The following C20orf203 variants were observed in gnomAD, a reference collection of about 807,000 sequenced individuals.
C20orf203 encodes the protein chromosome 20 open reading frame 203, also known as uncharacterized protein C20orf203.
C20orf203 carries 16 observed loss-of-function variants against 15.9 expected under a neutral mutation model. The observed-to-expected ratio is 1.01, with a 90% CI of 0.68 to 1.53. The LOEUF (loss-of-function observed/expected upper bound fraction) is 1.53. C20orf203 is among the 40% of genes most tolerant of loss of function. The pLI is 0.00. For synonymous variants in C20orf203, 98 were observed against 97.2 expected (o/e 1.01, Z -0.05); for missense variants, 263 against 247.5 (o/e 1.06, Z -0.42).
chr20:32,640,846 G>A (rs1982262277), intron 4 of C20orf203, among the ~76,000 whole-genome samples, 159 bp from the exon 5 acceptor site: 1 of 152,142 alleles, frequency 6.6e-6, no homozygotes, highest in Non-Finnish European at 1.5e-5. Context: ...CTGTCTCTAT[G>A]GATTTCCCTC....
chr20:32,634,993 A>C (rs1165364318), intron 5 of C20orf203, among the ~76,000 whole-genome samples: 1 of 151,554 alleles, frequency 6.6e-6, no homozygotes, highest in Non-Finnish European at 1.5e-5. Flanking sequence ...TGAGGCCAGG[A>C]ATTTGAGACC....
chr20:32,664,917 C>T (rs527252151), intron 1 of C20orf203, among the ~76,000 whole-genome samples: 1 of 152,348 alleles, frequency 6.6e-6, no homozygotes, highest in East Asian at 1.9e-4. Flanking sequence ...GCTGAGTGAT[C>T]GGCCAAGGTC....
intron 1 of C20orf203, among the ~76,000 whole-genome samples, chr20:32,671,516 A>G (rs1983164453): frequency 6.6e-6 from 1 of 152,188 alleles, no homozygotes; most frequent in Non-Finnish European, 1.5e-5. Flanking sequence ...AATAAAGACA[A>G]AAAAATTTTA....
chr20:32,671,413 A>G (rs1983161983), intron 1 of C20orf203, among the ~76,000 whole-genome samples: 1 of 152,256 alleles, frequency 6.6e-6, no homozygotes, highest in South Asian at 2.1e-4. Context: ...TTTATGCTAA[A>G]TGAAACAAAC....
intron 1 of C20orf203, among the ~76,000 whole-genome samples, chr20:32,655,138 A>G (rs1179449108): frequency 6.6e-6 from 1 of 152,230 alleles, no homozygotes; most frequent in Non-Finnish European, 1.5e-5. Flanking sequence ...AGTGGATGAA[A>G]ACAAATGTAG....
intron 5 of C20orf203, among the ~76,000 whole-genome samples, chr20:32,639,957 C>T (rs1048294342): frequency 1.3e-5 from 2 of 152,160 alleles, no homozygotes; most frequent in Non-Finnish European, 2.9e-5. Flanking sequence ...CGTTCGTGGG[C>T]GGCCTGCTTC....
intron 1 of C20orf203, among the ~76,000 whole-genome samples, chr20:32,660,419 G>A (rs909350969): frequency 2.0e-5 from 3 of 152,164 alleles, no homozygotes; most frequent in South Asian, 2.1e-4. Context: ...CTGGTCAATC[G>A]GTTGGCCAGC....
chr20:32,654,641 G>C (rs1351731176), intron 1 of C20orf203, among the ~76,000 whole-genome samples: 3 of 151,902 alleles, frequency 2.0e-5, no homozygotes, highest in Admixed American at 1.3e-4. Context: ...CCAGGAGTTT[G>C]AGACCAGCCT....
At chr20:32,668,440 AC>A (rs1314837205) in intron 1 of C20orf203, among the ~76,000 whole-genome samples, 1 of 152,072 alleles carries the variant, frequency 6.6e-6, no homozygotes, top group African/African-American at 2.4e-5. Context: ...TGCCTGGCCA[AC>A]ATGGTGAAAC....
At chr20:32,653,613 A>C (rs1326829933) in intron 1 of C20orf203, among the ~76,000 whole-genome samples, 1 of 152,174 alleles carries the variant, frequency 6.6e-6, no homozygotes, top group Non-Finnish European at 1.5e-5. Context: ...ATCATACTTC[A>C]TGGTGAGAGA....
At chr20:32,644,699 C>G (rs1982375423) in intron 4 of C20orf203, among the ~76,000 whole-genome samples, 1 of 152,152 alleles carries the variant, frequency 6.6e-6, no homozygotes. Flanking sequence ...CAGATTACAT[C>G]TCCCAGAGAG....
chr20:32,643,330 C>G (rs556153508), intron 4 of C20orf203, among the ~76,000 whole-genome samples: 3 of 152,276 alleles, frequency 2.0e-5, no homozygotes, highest in African/African-American at 7.2e-5. Context: ...TATAGGGTGG[C>G]TGTGAAGATT....
chr20:32,641,795 G>A (rs984327954), intron 4 of C20orf203, among the ~76,000 whole-genome samples: 6 of 152,036 alleles, frequency 3.9e-5, no homozygotes, highest in South Asian at 4.2e-4. Flanking sequence ...AGATCGTATC[G>A]CCATTTTTAA....
chr20:32,671,708 G>C (rs560071858), intron 1 of C20orf203, among the ~76,000 whole-genome samples: 2 of 151,796 alleles, frequency 1.3e-5, no homozygotes, highest in African/African-American at 4.8e-5. Flanking sequence ...GCGTGGTGGC[G>C]CACACCTATA....
chr20:32,670,400 G>T (rs938767693), intron 1 of C20orf203, among the ~76,000 whole-genome samples: 3 of 150,862 alleles, frequency 2.0e-5, no homozygotes, highest in African/African-American at 7.3e-5. Context: ...CAGCTACCTG[G>T]GAGGCTGAGG....
intron 1 of C20orf203, among the ~76,000 whole-genome samples, chr20:32,652,680 C>T (rs1353300772): frequency 6.6e-6 from 1 of 152,032 alleles, no homozygotes; most frequent in Non-Finnish European, 1.5e-5. Flanking sequence ...TGAATACATT[C>T]ACGTCCACAA....
chr20:32,662,894 A>AC (rs1420363238), intron 1 of C20orf203, among the ~76,000 whole-genome samples: 4 of 150,284 alleles, frequency 2.7e-5, no homozygotes, highest in African/African-American at 7.3e-5. Context: ...TAAAAAAAAA[A>AC]AAAAAACAAG....
Position 32,650,413 on chromosome 20 carries a change from G to T in C20orf203, c.*19C>A. Reference sequence around the variant, plus strand: ...AGGACAGGCAGGCAGAGCTGGGGGTGGGGGCGCCCTGGGCTCGGCTAATTA... The same window carrying T: ...AGGACAGGCAGGCAGAGCTGGGGGTTGGGGCGCCCTGGGCTCGGCTAATTA... On this transcript the variant is annotated 3_prime_UTR_variant, in exon 4 of 6. Transcript: ENST00000608990. 1 of 1,535,214 alleles carries T rather than the reference G, an allele frequency of 6.5e-7. No individual in the cohort carries two copies.
intron 1 of C20orf203, among the ~76,000 whole-genome samples, chr20:32,667,642 A>T (rs1420861825): frequency 1.3e-5 from 2 of 152,194 alleles, no homozygotes; most frequent in Non-Finnish European, 2.9e-5. Context: ...CACCTTCTGT[A>T]GCTCATAGAA....
Sources: gnomAD v4.1 joint callset for allele counts (sites outside exome capture counted in the v4.1 genomes callset) on GRCh38, gnomAD v4.1.1 for gene constraint, MANE v1.5 for transcripts, NCBI Gene and HGNC (gene_info 2026-07-23, HGNC 2026-07-21) for gene names.